The following RALYL variants were observed in gnomAD, a reference collection of about 807,000 sequenced individuals.
The protein encoded by RALYL is RNA-binding Raly-like protein.
A neutral mutation model predicts 35.1 loss-of-function variants in RALYL; 29 were observed. The observed-to-expected ratio is 0.83, with a 90% confidence interval of 0.61 to 1.13. The LOEUF (loss-of-function observed/expected upper bound fraction) is 1.13, where lower values mean the gene tolerates loss of function less well. Among genes scored for constraint, RALYL ranks in the 50% most tolerant of loss-of-function variants. The pLI is 0.00. For missense variants in RALYL, 359 were observed against 360.4 expected, an observed-to-expected ratio of 1.00 and a Z score of 0.03; for synonymous variants, 120 against 127.6, an observed-to-expected ratio of 0.94 and a Z score of 0.40.
intron 1 of RALYL, among the ~76,000 whole-genome samples, chr8:84,370,862 G>A (rs959360993): frequency 6.6e-6 from 1 of 151,928 alleles, no homozygotes; most frequent in Admixed American, 6.6e-5. Flanking sequence ...GCCTTAGATT[G>A]TCAGAGGTTG....
chr8:84,358,462 G>A (rs1852306494), intron 1 of RALYL, among the ~76,000 whole-genome samples: 1 of 151,940 alleles, frequency 6.6e-6, no homozygotes. Context: ...ATGAAACGAT[G>A]TTGTTTATTG....
intron 1 of RALYL, among the ~76,000 whole-genome samples, chr8:84,525,849 A>G (rs2058839166): frequency 6.6e-6 from 1 of 151,560 alleles, no homozygotes. Flanking sequence ...TCTTCTGGTC[A>G]TGGGTCATAT....
chr8:84,700,744 A>G (rs1840044999), intron 2 of RALYL, among the ~76,000 whole-genome samples: 1 of 152,236 alleles, frequency 6.6e-6, no homozygotes, highest in Admixed American at 6.5e-5. Flanking sequence ...TTATCTACTT[A>G]CAGGACAGCA....
chr8:84,599,242 G>A (rs1446558713), intron 2 of RALYL, among the ~76,000 whole-genome samples: 1 of 151,812 alleles, frequency 6.6e-6, no homozygotes, highest in Non-Finnish European at 1.5e-5. Flanking sequence ...TATGTGCTAT[G>A]ATTATAGAAT....
intron 2 of RALYL, among the ~76,000 whole-genome samples, chr8:84,728,551 T>C (rs1444396812): frequency 6.6e-6 from 1 of 152,072 alleles, no homozygotes; most frequent in Non-Finnish European, 1.5e-5. Context: ...TCCTTGCCCA[T>C]GCCTATGTCC....
chr8:84,310,907 C>A (rs1362258186), intron 1 of RALYL, among the ~76,000 whole-genome samples: 1 of 143,874 alleles, frequency 7.0e-6, no homozygotes, highest in African/African-American at 2.6e-5. Context: ...ATTAGCCGGG[C>A]GCGGTGGCGG....
At chr8:84,479,328 C>T (rs1361235874) in intron 1 of RALYL, among the ~76,000 whole-genome samples, 1 of 151,964 alleles carries the variant, frequency 6.6e-6, no homozygotes, top group South Asian at 2.1e-4. Context: ...TTTTCTCTTC[C>T]TTTCATAGAC....
At chr8:84,462,800 A>G (rs1768675030) in intron 1 of RALYL, among the ~76,000 whole-genome samples, 1 of 151,732 alleles carries the variant, frequency 6.6e-6, no homozygotes, top group South Asian at 2.1e-4. Context: ...GGAATCTTCC[A>G]TATTTTTCTA....
chr8:84,633,518 A>G (rs1824381754), intron 2 of RALYL, among the ~76,000 whole-genome samples: 1 of 151,926 alleles, frequency 6.6e-6, no homozygotes, highest in South Asian at 2.1e-4. Flanking sequence ...TTTCACGCAT[A>G]AACATTCCTT....
chr8:84,351,483 A>G (rs1418156767), intron 1 of RALYL, among the ~76,000 whole-genome samples: 3 of 149,456 alleles, frequency 2.0e-5, no homozygotes, highest in Non-Finnish European at 3.0e-5. Context: ...CCAGGGGTGC[A>G]TAAATTTCCT....
chr8:84,591,067 C>T lies in RALYL; in HGVS notation c.256+61490C>T, dbSNP rs190410352. Among the ~76,000 whole-genome samples, 192 of 151,896 alleles carry T rather than the reference C, an allele frequency of 1.3e-3. 1 individual carries two copies. The highest frequency in any genetic ancestry group is 3.5e-3 in the African/African-American group (145 of 41,412). On this transcript the variant is annotated intron_variant, in intron 2 of 8. Coordinates refer to ENST00000521268, the MANE Select transcript of RALYL (RefSeq NM_173848.7). Reference sequence around the variant, plus strand: ...TAGAAGCCTTGGACTTAGAACATGCCGAAAGCATTTGAGTGTATGGTGAAA... The same window carrying T: ...TAGAAGCCTTGGACTTAGAACATGCTGAAAGCATTTGAGTGTATGGTGAAA...
At chr8:84,577,306 G>A (rs1809696531) in intron 2 of RALYL, among the ~76,000 whole-genome samples, 1 of 152,228 alleles carries the variant, frequency 6.6e-6, no homozygotes, top group Non-Finnish European at 1.5e-5. Context: ...AAGGCTAAAT[G>A]TCAGGCTTTT....
chr8:84,423,581 A>T (rs1277080647), intron 1 of RALYL, among the ~76,000 whole-genome samples: 2 of 151,480 alleles, frequency 1.3e-5, no homozygotes, highest in Non-Finnish European at 2.9e-5. Flanking sequence ...TGTGAATTTG[A>T]TCCTGTCATT....
At chr8:84,771,063 T>G (rs1268244459) in intron 2 of RALYL, among the ~76,000 whole-genome samples, 1 of 152,124 alleles carries the variant, frequency 6.6e-6, no homozygotes, top group East Asian at 1.9e-4. Flanking sequence ...ATCCCATGTA[T>G]TTTTCTTTTT....
chr8:84,535,602 A>ATTATTTTATTTTATT (rs71273903), intron 2 of RALYL, among the ~76,000 whole-genome samples: 4,045 of 138,402 alleles, frequency 0.029, 83 homozygotes, highest in Non-Finnish European at 0.036. Context: ...CGCCCGGCTA[A>ATTATTTTATTTTATT]TTATTTTATT....
intron 6 of RALYL, among the ~76,000 whole-genome samples, chr8:84,869,307 T>C (rs1839759824): frequency 6.6e-6 from 1 of 152,214 alleles, no homozygotes. Flanking sequence ...GTTGAAATAC[T>C]GTATTTAAAA....
At chr8:84,880,021 G>T (rs1220415913) in intron 7 of RALYL, among the ~76,000 whole-genome samples, 2 of 152,076 alleles carry the variant, frequency 1.3e-5, no homozygotes, top group African/African-American at 4.8e-5. Flanking sequence ...TTGAATGCTG[G>T]AGCAAGCTAA....
intron 2 of RALYL, among the ~76,000 whole-genome samples, chr8:84,716,941 T>C (rs1036629756): frequency 2.0e-5 from 3 of 152,032 alleles, no homozygotes; most frequent in Admixed American, 6.6e-5. Flanking sequence ...ATCATAGATA[T>C]GCTTTGGGAG....
intron 1 of RALYL, among the ~76,000 whole-genome samples, 171 bp downstream of exon 1, chr8:84,184,595 A>C (rs528820754): frequency 3.3e-5 from 5 of 152,162 alleles, no homozygotes; most frequent in African/African-American, 1.2e-4. Flanking sequence ...GGGAAAACCA[A>C]AGTCCGTTCC....
Sources: allele counts gnomAD v4.1 joint callset (sites outside exome capture counted in the v4.1 genomes callset), GRCh38; gene constraint gnomAD v4.1.1; transcripts MANE v1.5; gene names NCBI Gene and HGNC (gene_info 2026-07-23, HGNC 2026-07-21).